The following ANKS1B variants were observed in gnomAD, a reference collection of about 807,000 sequenced individuals.
ANKS1B encodes ankyrin repeat and sterile alpha motif domain-containing protein 1B.
A neutral mutation model predicts 148.3 loss-of-function variants in ANKS1B; 36 were observed. The ratio of observed to expected loss-of-function variants is 0.24; its 90% CI spans 0.19 to 0.32. ANKS1B has a LOEUF of 0.32. ANKS1B is among the 10% of genes least tolerant of loss of function. The probability of loss-of-function intolerance (pLI) is 1.00; values close to 1 mark genes in which losing one functional copy is unlikely to be tolerated. For synonymous variants in ANKS1B, 542 were observed against 560.8 expected (o/e 0.97, Z 0.47); for missense variants, 1,157 against 1,542.6 (o/e 0.75, Z 4.19).
intron 24 of ANKS1B, among the ~76,000 whole-genome samples, chr12:98,774,255 C>T (rs1200668038): frequency 6.6e-6 from 1 of 152,208 alleles, no homozygotes; most frequent in African/African-American, 2.4e-5. Flanking sequence ...TGGGGTGGAA[C>T]TGAAATTTGG....
chr12:99,460,897 C>G (rs927997387), intron 10 of ANKS1B, among the ~76,000 whole-genome samples: 3 of 151,930 alleles, frequency 2.0e-5, no homozygotes, highest in African/African-American at 7.2e-5. Flanking sequence ...CTCCTGGGTA[C>G]CTACCCAGAG....
chr12:99,227,346 C>T (rs561091535), intron 14 of ANKS1B, among the ~76,000 whole-genome samples: 6 of 152,296 alleles, frequency 3.9e-5, no homozygotes, highest in South Asian at 2.1e-4. Flanking sequence ...CCCTAGAACG[C>T]GAGCAGATGC....
At chr12:99,426,675 A>T (rs910484104) in intron 11 of ANKS1B, among the ~76,000 whole-genome samples, 1 of 152,216 alleles carries the variant, frequency 6.6e-6, no homozygotes, top group Non-Finnish European at 1.5e-5. Flanking sequence ...ATCTTCTTTG[A>T]TGCATAAGTA....
At chr12:98,877,901 T>C (rs1161390527) in intron 17 of ANKS1B, among the ~76,000 whole-genome samples, 4 of 152,170 alleles carry the variant, frequency 2.6e-5, no homozygotes, top group Non-Finnish European at 4.4e-5. Flanking sequence ...ATTTACTGAA[T>C]ATAAATATAC....
intron 14 of ANKS1B, among the ~76,000 whole-genome samples, chr12:99,197,619 G>A (rs2081541147): frequency 6.6e-6 from 1 of 152,150 alleles, no homozygotes; most frequent in African/African-American, 2.4e-5. Flanking sequence ...ATCTCTTCCA[G>A]ATTCAGATAA....
intron 12 of ANKS1B, among the ~76,000 whole-genome samples, chr12:99,371,182 G>A (rs1232383267): frequency 1.3e-5 from 2 of 152,052 alleles, no homozygotes; most frequent in South Asian, 4.1e-4. Flanking sequence ...GAGCCTGTAT[G>A]TCCTAATCTA....
At chr12:98,832,869 T>C (rs552529431) in intron 17 of ANKS1B, among the ~76,000 whole-genome samples, 1 of 152,232 alleles carries the variant, frequency 6.6e-6, no homozygotes, top group South Asian at 2.1e-4. Flanking sequence ...GGCACTGGCA[T>C]ATGTAGAGCA....
chr12:99,034,174 T>C (rs1284932000), intron 17 of ANKS1B, among the ~76,000 whole-genome samples: 1 of 152,240 alleles, frequency 6.6e-6, no homozygotes, highest in East Asian at 1.9e-4. Context: ...TCTGTAGTCG[T>C]ACAAAGCAGC....
At position 99,053,142 on chromosome 12, in the gene ANKS1B, A is replaced by G. The variant is rs1046096511; in HGVS notation, c.2778+15T>C. 3.1e-6 allele frequency: 5 copies of G among 1,595,064 alleles called. No homozygotes were observed. The highest frequency in any genetic ancestry group is 1.7e-4 in the Middle Eastern group (1 of 6,022). ...AGGGTTGAATAGTTAAGGTGTCACT[A>G]AGAGACCAACTTACATTAATAAGTT... is the stretch of plus-strand genomic sequence containing the variant. On this transcript the variant is annotated intron_variant, in intron 17 of 26. Coordinates refer to ENST00000683438, the MANE Select transcript of ANKS1B (RefSeq NM_001352186.2).
intron 14 of ANKS1B, among the ~76,000 whole-genome samples, chr12:99,220,958 G>C (rs1012838521): frequency 6.6e-6 from 1 of 152,194 alleles, no homozygotes; most frequent in Admixed American, 6.5e-5. Flanking sequence ...ATCTGGAAGT[G>C]AGGGAGGCCT....
chr12:99,059,804 T>TGA (rs1555201075), intron 16 of ANKS1B, among the ~76,000 whole-genome samples: 3 of 146,722 alleles, frequency 2.0e-5, no homozygotes, highest in Admixed American at 6.8e-5. Flanking sequence ...TATATATATA[T>TGA]ATGATAGGAC....
At chr12:99,273,574 A>ATTTT (rs1188069212) in intron 12 of ANKS1B, among the ~76,000 whole-genome samples, 13 of 97,032 alleles carry the variant, frequency 1.3e-4, no homozygotes, top group African/African-American at 2.1e-4. Flanking sequence ...TTTTTTTGCG[A>ATTTT]TTTTTTTTTT....
chr12:99,760,641 C>A (rs1264408221), intron 8 of ANKS1B, among the ~76,000 whole-genome samples: 2 of 150,966 alleles, frequency 1.3e-5, no homozygotes, highest in Non-Finnish European at 3.0e-5. Flanking sequence ...CCCAGAGGAA[C>A]TAGAAAAACA....
At chr12:98,894,758 C>A in intron 17 of ANKS1B, 1 of 985,520 alleles carries the variant, frequency 1.0e-6, no homozygotes, top group Non-Finnish European at 1.2e-6. Context: ...TTCTGGGCGC[C>A]CCCAGCGAAT....
At chr12:99,843,475 T>C (rs912499148) in intron 1 of ANKS1B, among the ~76,000 whole-genome samples, 24 of 152,208 alleles carry the variant, frequency 1.6e-4, no homozygotes, top group South Asian at 4.1e-4. Context: ...TTCTCATCAT[T>C]TGCCTCCCAC....
chr12:99,714,936 T>C (rs935084185), intron 8 of ANKS1B, among the ~76,000 whole-genome samples: 9 of 147,394 alleles, frequency 6.1e-5, no homozygotes, highest in Non-Finnish European at 1.0e-4. Flanking sequence ...CTGGCCAACA[T>C]AGTGAAATCC....
intron 9 of ANKS1B, among the ~76,000 whole-genome samples, chr12:99,528,094 C>T (rs2096945426): frequency 6.6e-6 from 1 of 151,854 alleles, no homozygotes; most frequent in Admixed American, 6.6e-5. Context: ...TTGATCTTCG[C>T]CAAACCTGAC....
rs117812713 is a variant in ANKS1B at position 99,867,452 on chromosome 12, C to T, written c.135-42063G>A. Among the ~76,000 whole-genome samples, 249 of 152,280 alleles carry T rather than the reference C, an allele frequency of 1.6e-3. 8 individuals are homozygous for T. The East Asian group carries it at 0.041, about 25-fold the overall frequency. On this transcript the variant is annotated intron_variant, in intron 1 of 26. Coordinates refer to ENST00000683438, the MANE Select transcript of ANKS1B (RefSeq NM_001352186.2). ...TAAAGAAAAAGAGGTTTAACGGACTCACAGCTCCACGTGGCTAGGAAGGCC... is the reference window on the plus strand; with the variant it reads ...TAAAGAAAAAGAGGTTTAACGGACTTACAGCTCCACGTGGCTAGGAAGGCC...
intron 11 of ANKS1B, among the ~76,000 whole-genome samples, chr12:99,416,015 T>C (rs2094895777): frequency 6.6e-6 from 1 of 152,122 alleles, no homozygotes; most frequent in Non-Finnish European, 1.5e-5. Flanking sequence ...CTCACTTCTC[T>C]CCTGCCCCCA....
Sources: allele counts gnomAD v4.1 joint callset (sites outside exome capture counted in the v4.1 genomes callset), GRCh38; gene constraint gnomAD v4.1.1; transcripts MANE v1.5; gene names NCBI Gene and HGNC (gene_info 2026-07-23, HGNC 2026-07-21).